Variants in TMEM178B observed in about 807,000 individuals in gnomAD.
TMEM178B encodes transmembrane protein 178B.
A neutral mutation model predicts 31.0 loss-of-function variants in TMEM178B; 5 were observed. That is an observed-to-expected ratio of 0.16 (90% CI 0.08 to 0.34). The LOEUF is 0.34. Among genes scored for constraint, TMEM178B ranks in the 10% least tolerant of loss-of-function variants. The pLI is 1.00. For missense variants in TMEM178B, 275 were observed against 400.3 expected, an observed-to-expected ratio of 0.69 and a Z score of 2.67; for synonymous variants, 164 against 164.0, an observed-to-expected ratio of 1.00 and a Z score of 0.00.
intron 2 of TMEM178B, among the ~76,000 whole-genome samples, chr7:141,236,303 A>AAAGGGAAAG (rs1797526147): frequency 1.3e-5 from 2 of 152,326 alleles, no homozygotes; most frequent in African/African-American, 2.4e-5. Context: ...AGAAGCACAG[A>AAAGGGAAAG]AAGGGAAAGA....
chr7:141,410,454 C>G (rs1349456762), intron 2 of TMEM178B, among the ~76,000 whole-genome samples: 1 of 126,224 alleles, frequency 7.9e-6, no homozygotes, highest in East Asian at 2.8e-4. Context: ...TTCCCTCCCT[C>G]CCTCCCCCAC....
chr7:141,097,894 T>C (rs1357925247), intron 1 of TMEM178B, among the ~76,000 whole-genome samples: 12 of 149,774 alleles, frequency 8.0e-5, no homozygotes. Flanking sequence ...CTGGTTCAAG[T>C]GATCCTCCCA....
chr7:141,369,726 C>A (rs1800078173), intron 2 of TMEM178B, among the ~76,000 whole-genome samples: 1 of 152,180 alleles, frequency 6.6e-6, no homozygotes, highest in Non-Finnish European at 1.5e-5. Flanking sequence ...ACAGACATGG[C>A]AGAATCCCAG....
chr7:141,275,406 A>T (rs114819408), intron 2 of TMEM178B, among the ~76,000 whole-genome samples: 3,612 of 152,296 alleles, frequency 0.024, 143 homozygotes, highest in African/African-American at 0.083. Flanking sequence ...TGATAGTGAG[A>T]TGTTGAAAAC....
At chr7:141,275,567 G>T (rs1026772887) in intron 2 of TMEM178B, among the ~76,000 whole-genome samples, 1 of 152,156 alleles carries the variant, frequency 6.6e-6, no homozygotes, top group African/African-American at 2.4e-5. Flanking sequence ...ATCCAGAGGG[G>T]GTGCTCATGG....
the TMEM178B span, among the ~76,000 whole-genome samples, chr7:141,505,380 T>C: frequency 7.9e-5 from 12 of 152,318 alleles, no homozygotes; most frequent in South Asian, 2.5e-3. Context: ...TAATTGTAGG[T>C]CAGTGAATGT....
rs1177898613 is a variant in TMEM178B at position 141,480,315 on chromosome 7, C to G, written c.*9529C>G. ...CTTGTTCATGGAAAAAATAAATAAT[C>G]TGTCAGTTGTGGAATGTAAACTGAT... On this transcript the variant is annotated 3_prime_UTR_variant, in exon 4 of 4. Coordinates refer to ENST00000565468, the MANE Select transcript of TMEM178B (RefSeq NM_001195278.2). 1 of 152,086 alleles carries G rather than the reference C, an allele frequency of 6.6e-6. No individual in the cohort carries two copies. The highest frequency in any genetic ancestry group is 6.5e-5 in the Admixed American group (1 of 15,270). 9.4% of individuals were successfully genotyped at this position (152,086 alleles called of 1,614,324 possible). A position where few individuals can be genotyped will look rare whatever the true frequency, so the allele number is the denominator to read the frequency against.
intron 2 of TMEM178B, among the ~76,000 whole-genome samples, chr7:141,341,763 A>T (rs77362844): frequency 0.031 from 4,765 of 152,206 alleles, 96 homozygotes; most frequent in South Asian, 0.079. Flanking sequence ...AGAAAAAAAA[A>T]AATTATGGCA....
intron 2 of TMEM178B, among the ~76,000 whole-genome samples, chr7:141,416,759 G>A (rs1801104882): frequency 6.6e-6 from 1 of 152,192 alleles, no homozygotes; most frequent in African/African-American, 2.4e-5. Context: ...AACATCAAGG[G>A]CAGAGGGAGA....
intron 1 of TMEM178B, among the ~76,000 whole-genome samples, chr7:141,122,802 T>G (rs1446947741): frequency 6.6e-6 from 1 of 152,228 alleles, no homozygotes. Context: ...ATCTGAAGGC[T>G]CTGAATGAAA....
intron 2 of TMEM178B, among the ~76,000 whole-genome samples, chr7:141,218,144 C>T (rs1797191962): frequency 2.6e-5 from 4 of 152,150 alleles, no homozygotes; most frequent in Admixed American, 2.6e-4. Flanking sequence ...CTCAGGCAAG[C>T]TGAGCACATA....
intron 3 of TMEM178B, among the ~76,000 whole-genome samples, chr7:141,464,007 G>A (rs1802106421): frequency 6.6e-6 from 1 of 152,164 alleles, no homozygotes; most frequent in African/African-American, 2.4e-5. Context: ...AAAGTAGAAG[G>A]CAGGACTCCA....
At chr7:141,201,707 GCTA>G (rs1796879807) in intron 1 of TMEM178B, among the ~76,000 whole-genome samples, 3 of 152,146 alleles carry the variant, frequency 2.0e-5, no homozygotes, top group Non-Finnish European at 2.9e-5. Flanking sequence ...TCAGATGCGG[GCTA>G]GTGAGCACTC....
chr7:141,334,640 GC>G (rs1799353324), intron 2 of TMEM178B, among the ~76,000 whole-genome samples: 1 of 152,144 alleles, frequency 6.6e-6, no homozygotes, highest in African/African-American at 2.4e-5. Context: ...GGTGAAGAAA[GC>G]CCCACATAGT....
intron 2 of TMEM178B, among the ~76,000 whole-genome samples, chr7:141,250,972 ACTC>A (rs1443424245): frequency 2.6e-5 from 4 of 151,624 alleles, no homozygotes; most frequent in Non-Finnish European, 5.9e-5. Flanking sequence ...GGAAAGGAAA[ACTC>A]CTTTCCTCGG....
intron 1 of TMEM178B, among the ~76,000 whole-genome samples, chr7:141,209,300 A>G (rs1296851089): frequency 6.6e-6 from 1 of 152,090 alleles, no homozygotes; most frequent in Admixed American, 6.5e-5. Context: ...ATCATATGCC[A>G]TTTTCTTCTA....
intron 2 of TMEM178B, among the ~76,000 whole-genome samples, chr7:141,340,463 G>C (rs150685771): frequency 1.3e-5 from 2 of 152,326 alleles, no homozygotes; most frequent in East Asian, 3.9e-4. Flanking sequence ...GGCACATGTA[G>C]CTGTATTAAT....
At chr7:141,173,422 C>T (rs1355172605) in intron 1 of TMEM178B, among the ~76,000 whole-genome samples, 1 of 152,132 alleles carries the variant, frequency 6.6e-6, no homozygotes, top group African/African-American at 2.4e-5. Flanking sequence ...TTGAACGAGT[C>T]AGTTACTCCC....
At chr7:141,242,665 C>T (rs796924477) in intron 2 of TMEM178B, among the ~76,000 whole-genome samples, 3 of 151,732 alleles carry the variant, frequency 2.0e-5, no homozygotes, top group South Asian at 2.1e-4. Flanking sequence ...CCTCAGCTCC[C>T]GGGCAGCTGG....
Sources: allele counts gnomAD v4.1 joint callset (sites outside exome capture counted in the v4.1 genomes callset), GRCh38; gene constraint gnomAD v4.1.1; transcripts MANE v1.5; gene names NCBI Gene and HGNC (gene_info 2026-07-23, HGNC 2026-07-21).